The following ATP2B2 variants were observed in gnomAD, a reference collection of about 807,000 sequenced individuals.
ATP2B2 encodes ATPase plasma membrane Ca2+ transporting 2.
A neutral mutation model predicts 120.0 loss-of-function variants in ATP2B2; 15 were observed. The ratio of observed to expected loss-of-function variants is 0.12; its 90% CI spans 0.08 to 0.19. ATP2B2 has a LOEUF of 0.19. ATP2B2 is among the 10% of genes least tolerant of loss of function. The probability of loss-of-function intolerance (pLI) is 1.00; values close to 1 mark genes in which losing one functional copy is unlikely to be tolerated. For synonymous variants in ATP2B2, 694 were observed against 700.3 expected (o/e 0.99, Z 0.14); for missense variants, 1,045 against 1,719.8 (o/e 0.61, Z 6.94).
intron 22 of ATP2B2, 66 bp downstream of exon 22, chr3:10,338,110 C>T: frequency 6.2e-7 from 1 of 1,602,786 alleles, no homozygotes. Flanking sequence ...AGCACAAGCA[C>T]ACTCACCTCC....
chr3:10,689,239 G>T (rs968995313), intron 1 of ATP2B2, among the ~76,000 whole-genome samples: 8 of 152,142 alleles, frequency 5.3e-5, no homozygotes, highest in Non-Finnish European at 1.2e-4. Context: ...GAGTAGTCTG[G>T]AGCTTGTGGG....
chr3:10,678,574 C>T (rs140161724), intron 1 of ATP2B2, among the ~76,000 whole-genome samples: 1 of 152,274 alleles, frequency 6.6e-6, no homozygotes, highest in African/African-American at 2.4e-5. Flanking sequence ...GCATGGAAGG[C>T]TTGTCTGTTT....
intron 1 of ATP2B2, among the ~76,000 whole-genome samples, chr3:10,683,140 T>G (rs1475846836): frequency 6.6e-6 from 1 of 151,434 alleles, no homozygotes; most frequent in Non-Finnish European, 1.5e-5. Flanking sequence ...TCTTTTACTT[T>G]TTTATTTTTT....
In ATP2B2 at chr3:10,523,996, TGGG is replaced by T. The variant is rs549600628; in HGVS notation, c.-320+10040_-320+10042del. Among the ~76,000 whole-genome samples, 4 of 152,326 alleles carry T rather than the reference TGGG, an allele frequency of 2.6e-5. No homozygotes were observed. In the East Asian group the frequency reaches 7.7e-4, roughly 29 times the overall value. On this transcript the variant is annotated intron_variant, in intron 3 of 21. Coordinates refer to the ATP2B2 transcript ENST00000646379. Reference sequence around the variant, plus strand: ...TGCATTAAATGCCAATGTTTAAAAATGGGGGGATTGTGCATAAGAATCCAGATT... The same window carrying T: ...TGCATTAAATGCCAATGTTTAAAAATGGGATTGTGCATAAGAATCCAGATT...
At chr3:10,563,371 C>T (rs1167493772) in intron 2 of ATP2B2, among the ~76,000 whole-genome samples, 1 of 152,264 alleles carries the variant, frequency 6.6e-6, no homozygotes, top group East Asian at 1.9e-4. Flanking sequence ...TCCGCACTAA[C>T]TCCTGGCAAA....
At chr3:10,512,803 G>A (rs1295159191) in intron 3 of ATP2B2, among the ~76,000 whole-genome samples, 1 of 152,158 alleles carries the variant, frequency 6.6e-6, no homozygotes, top group African/African-American at 2.4e-5. Context: ...ACCCACAGGC[G>A]GCAATTCCGA....
chr3:10,386,020 G>C (rs976292928), intron 7 of ATP2B2, among the ~76,000 whole-genome samples: 1 of 152,230 alleles, frequency 6.6e-6, no homozygotes, highest in Non-Finnish European at 1.5e-5. Flanking sequence ...AGTGATATGA[G>C]ATGGCTAAAT....
intron 1 of ATP2B2, among the ~76,000 whole-genome samples, chr3:10,455,159 G>C (rs866110464): frequency 6.6e-6 from 1 of 152,164 alleles, no homozygotes; most frequent in African/African-American, 2.4e-5. Flanking sequence ...TGTAAGATGG[G>C]CTAGTGATTC....
At chr3:10,386,854 C>T (rs57861085) in intron 6 of ATP2B2, among the ~76,000 whole-genome samples, 1,719 of 152,292 alleles carry the variant, frequency 0.011, 39 homozygotes, top group African/African-American at 0.039. Flanking sequence ...AGTGCAGGTG[C>T]ATGCTCAGCG....
rs115657264 is a variant in ATP2B2, at chr3:10,347,606, A to C, written c.2405-1469T>G. Among the ~76,000 whole-genome samples, 2,628 of 152,094 alleles carry C rather than the reference A, an allele frequency of 0.017. 77 individuals carry two copies. Among genetic ancestry groups the C allele is most frequent in the African/African-American group, 0.06 (2,495 of 41,474 alleles). The stretch of plus-strand genomic sequence containing the variant: ...CAGCTGTCGGTGACCCCTCAGTTCC[A>C]CCGTCCTGGACTCAGCCTCCCCAAG... On this transcript the variant is annotated intron_variant, in intron 16 of 22. Transcript: ENST00000360273. This position sits in a 1 kb window ranked among gnomAD's most constrained non-coding sequence, Gnocchi z 5.2.
Position 10,329,120 on chromosome 3 carries a change from G to T in ATP2B2, c.3426C>A (p.Arg1142=). The T allele has an allele frequency of 6.2e-7, 1 of 1,613,218 alleles. No homozygotes were observed. The highest frequency in any genetic ancestry group is 1.1e-5 in the South Asian group (1 of 91,028). Residue 1142 remains arginine, a synonymous_variant, in exon 23 of 23, where the codon CGC becomes CGA. Transcript: ENST00000360273. This position sits in a 1 kb window ranked among gnomAD's most constrained non-coding sequence, Gnocchi z 5.9. ...RGLNRIQTQI[R]VVKAFRSSLY... The stretch of plus-strand genomic sequence containing the variant: ...GAGAGCTACGGAACGCCTTCACGAC[G>T]CGGATCTGCAAGGGAAGCACAGGGG...
Position 10,400,976 on chromosome 3 carries a change from T to C in ATP2B2, c.758A>G (p.Asp253Gly). The part of the protein sequence containing the change: ...GESDQVRKSV[D>G]KDPMLLSGTH... ...ACCTGACAGCAGCATGGGGTCCTTGTCCACGGACTTGCGCACCTGGTCAGA... is the reference window on the plus strand; with the variant it reads ...ACCTGACAGCAGCATGGGGTCCTTGCCCACGGACTTGCGCACCTGGTCAGA... The change falls in exon 5 of 23, where the codon GAC becomes GGC. Residue 253 changes from aspartate (D) to glycine (G), a missense_variant. By Grantham distance (94) the Asp-to-Gly change is moderately conservative. Coordinates refer to ENST00000360273, the MANE Select transcript of ATP2B2 (RefSeq NM_001001331.4). 6.2e-7 allele frequency: 1 copy of C among 1,614,136 alleles called. No individual in the cohort carries two copies. The highest frequency in any genetic ancestry group is 8.5e-7 in the Non-Finnish European group (1 of 1,179,996).
At chr3:10,407,813 G>T (rs1482997347) in intron 3 of ATP2B2, among the ~76,000 whole-genome samples, 3 of 152,208 alleles carry the variant, frequency 2.0e-5, no homozygotes, top group African/African-American at 7.2e-5. Flanking sequence ...TTTGCTCAGG[G>T]CTCCATGATA....
intron 2 of ATP2B2, among the ~76,000 whole-genome samples, chr3:10,424,025 G>A (rs1182987336): frequency 1.3e-5 from 2 of 152,198 alleles, no homozygotes; most frequent in Admixed American, 6.5e-5. Flanking sequence ...TCTTCTCACT[G>A]TTCTGTGATC....
At position 10,402,936 on chromosome 3, in the gene ATP2B2, C is replaced by T. The variant is rs11927716; in HGVS notation, c.398-588G>A. Among the ~76,000 whole-genome samples the T allele has an allele frequency of 0.2, 30,118 of 151,066 alleles. 7,059 individuals carry two copies. Among genetic ancestry groups the T allele is most frequent in the African/African-American group, 0.58 (23,494 of 40,532 alleles). Reference sequence around the variant, plus strand: ...AAAAGAGAGTAAGTGAGGTATTTTTCTTTTTTTCCAGAACAAAGGCAGCCA... The same window carrying T: ...AAAAGAGAGTAAGTGAGGTATTTTTTTTTTTTTCCAGAACAAAGGCAGCCA... On this transcript the variant is annotated intron_variant, in intron 3 of 22. Coordinates refer to ENST00000360273, the MANE Select transcript of ATP2B2 (RefSeq NM_001001331.4). The surrounding 1 kb of genome is among the most constrained non-coding windows in gnomAD (Gnocchi z 4.9).
rs550415363 is a variant in ATP2B2, at chr3:10,623,859, T to C, written c.-459-3898A>G. On this transcript the variant is annotated intron_variant, in intron 1 of 21. Transcript: ENST00000646379. Reference sequence around the variant, plus strand: ...CACCCAAGGCCCAAACAACATGCCCTAAACAGCCTGCTTCCAAGGGAGAAG... The same window carrying C: ...CACCCAAGGCCCAAACAACATGCCCCAAACAGCCTGCTTCCAAGGGAGAAG... Among the ~76,000 whole-genome samples, 13 of 152,306 alleles carry C rather than the reference T, an allele frequency of 8.5e-5. No homozygotes were observed. In the South Asian group the frequency reaches 2.7e-3, roughly 32 times the overall value.
intron 1 of ATP2B2, among the ~76,000 whole-genome samples, chr3:10,677,783 C>A (rs2071280603): frequency 6.6e-6 from 1 of 152,124 alleles, no homozygotes; most frequent in Non-Finnish European, 1.5e-5. Flanking sequence ...AGAAACATTA[C>A]AAGGTAATAT....
At chr3:10,436,270 C>G (rs751291821) in intron 2 of ATP2B2, among the ~76,000 whole-genome samples, 1 of 152,230 alleles carries the variant, frequency 6.6e-6, no homozygotes, top group Non-Finnish European at 1.5e-5. Context: ...CCAAACTTAT[C>G]ACCTCCTAAT....
rs370975513 is a variant in ATP2B2 at position 10,386,515 on chromosome 3, G to A, written c.908-3C>T. ...AAGGCCATCCCCCTTCTTCACACCTGTGTGATGATTTTTGAGACATGTTAA... is the reference window on the plus strand; with the variant it reads ...AAGGCCATCCCCCTTCTTCACACCTATGTGATGATTTTTGAGACATGTTAA... On this transcript the variant is annotated splice_polypyrimidine_tract_variant and splice_region_variant and intron_variant, in intron 6 of 22. Coordinates refer to ENST00000360273, the MANE Select transcript of ATP2B2 (RefSeq NM_001001331.4). 4.3e-5 allele frequency: 69 copies of A among 1,614,032 alleles called. No homozygotes were observed. The highest frequency in any genetic ancestry group is 4.7e-5 in the Non-Finnish European group (55 of 1,179,984).
Sources: allele counts gnomAD v4.1 joint callset (sites outside exome capture counted in the v4.1 genomes callset), GRCh38; gene constraint gnomAD v4.1.1; non-coding constraint Gnocchi (gnomAD v3.1); transcripts MANE v1.5; gene names NCBI Gene and HGNC (gene_info 2026-07-23, HGNC 2026-07-21).